The following TMEM108 variants were observed in gnomAD, a reference collection of about 807,000 sequenced individuals.
TMEM108 encodes cancer/testis antigen 124.
Under a neutral mutation model 35.1 loss-of-function variants are expected in TMEM108, and 12 were observed. The ratio of observed to expected loss-of-function variants is 0.34; its 90% CI spans 0.22 to 0.55. The LOEUF (loss-of-function observed/expected upper bound fraction) is 0.55, where lower values mean the gene tolerates loss of function less well. Among genes scored for constraint, TMEM108 ranks in the 20% least tolerant of loss-of-function variants. The pLI, the probability that TMEM108 is intolerant of heterozygous loss-of-function variation, is 0.89. For synonymous variants in TMEM108, 287 were observed against 308.6 expected (o/e 0.93, Z 0.73); for missense variants, 680 against 753.3 (o/e 0.90, Z 1.14).
chr3:133,318,937 G>A (rs2071231551), intron 3 of TMEM108, among the ~76,000 whole-genome samples: 1 of 54,888 alleles, frequency 1.8e-5, no homozygotes, highest in South Asian at 5.8e-4. Flanking sequence ...AAAAACTCAG[G>A]GGAAGTGTAT....
chr3:133,119,288 G>C (rs928409976), intron 2 of TMEM108: 1 of 151,510 alleles, frequency 6.6e-6, no homozygotes, highest in Non-Finnish European at 1.5e-5. Context: ...CCCACTCTCC[G>C]GTTCCATTCA....
At chr3:133,090,857 G>T (rs1576313250) in intron 2 of TMEM108, among the ~76,000 whole-genome samples, 1 of 152,226 alleles carries the variant, frequency 6.6e-6, no homozygotes, top group Non-Finnish European at 1.5e-5. Context: ...GAACTTGAAA[G>T]TATTCTATTA....
At chr3:133,226,907 AG>A (rs1946079611) in intron 2 of TMEM108, among the ~76,000 whole-genome samples, 1 of 152,136 alleles carries the variant, frequency 6.6e-6, no homozygotes, top group Non-Finnish European at 1.5e-5. Context: ...GTGGGAGGCA[AG>A]GGAGGAGCAA....
intron 2 of TMEM108, among the ~76,000 whole-genome samples, chr3:133,086,576 T>G (rs1056328480): frequency 6.6e-6 from 1 of 152,202 alleles, no homozygotes; most frequent in Non-Finnish European, 1.5e-5. Flanking sequence ...GAGATGAGCA[T>G]TTTTTAAAAC....
chr3:133,333,370 C>CA (rs143504205), intron 3 of TMEM108, among the ~76,000 whole-genome samples: 280 of 146,828 alleles, frequency 1.9e-3, no homozygotes, highest in East Asian at 7.1e-3. Flanking sequence ...GCCCCTCTTT[C>CA]AAAAAAAAAA....
At chr3:133,166,608 AAG>A (rs761739814) in intron 2 of TMEM108, among the ~76,000 whole-genome samples, 10 of 151,822 alleles carry the variant, frequency 6.6e-5, no homozygotes, top group Non-Finnish European at 1.0e-4. Context: ...ACAGCTCTTA[AAG>A]CGGCGTGTCT....
At chr3:133,102,751 C>CA (rs1559832918) in intron 2 of TMEM108, among the ~76,000 whole-genome samples, 1 of 152,136 alleles carries the variant, frequency 6.6e-6, no homozygotes, top group East Asian at 1.9e-4. Flanking sequence ...ATAGGACTTA[C>CA]AATAAGTGTG....
At chr3:133,183,286 A>G (rs778088560) in intron 2 of TMEM108, among the ~76,000 whole-genome samples, 3 of 152,218 alleles carry the variant, frequency 2.0e-5, no homozygotes, top group African/African-American at 7.2e-5. Context: ...TATGAAACCA[A>G]TACATTTCCC....
chr3:133,389,168 C>G (rs1382242885), intron 4 of TMEM108: 1 of 985,632 alleles, frequency 1.0e-6, no homozygotes, highest in Admixed American at 6.1e-5. Flanking sequence ...CCCCACCTCT[C>G]TGACCTCAGA....
chr3:133,161,646 G>A (rs1346521484), intron 2 of TMEM108, among the ~76,000 whole-genome samples: 3 of 150,576 alleles, frequency 2.0e-5, no homozygotes, highest in Admixed American at 2.0e-4. Flanking sequence ...TATGTTCAAA[G>A]AAACAACTGT....
chr3:133,097,140 G>C (rs1944025319), intron 2 of TMEM108, among the ~76,000 whole-genome samples: 1 of 152,220 alleles, frequency 6.6e-6, no homozygotes. Context: ...CCAGAATGCA[G>C]TGTGCTTAGA....
At chr3:133,291,974 C>A (rs528523850) in intron 3 of TMEM108, among the ~76,000 whole-genome samples, 114 of 152,136 alleles carry the variant, frequency 7.5e-4, no homozygotes, top group Non-Finnish European at 1.4e-3. Flanking sequence ...TGGTTCCCAA[C>A]CCTGACTGCA....
At chr3:133,203,683 T>C (rs897809128) in intron 2 of TMEM108, among the ~76,000 whole-genome samples, 1 of 152,216 alleles carries the variant, frequency 6.6e-6, no homozygotes, top group Non-Finnish European at 1.5e-5. Flanking sequence ...GATATGCTGC[T>C]TGATTAGGTT....
chr3:133,196,959 G>A (rs1576375600), intron 2 of TMEM108, among the ~76,000 whole-genome samples: 1 of 152,274 alleles, frequency 6.6e-6, no homozygotes, highest in East Asian at 1.9e-4. Context: ...TAATATTTGG[G>A]TTAGGTACAC....
intron 4 of TMEM108, 97 bp from the exon 5 acceptor site, chr3:133,390,083 T>TA: frequency 6.9e-7 from 1 of 1,456,238 alleles, no homozygotes; most frequent in East Asian, 2.3e-5. Context: ...ACCATACACT[T>TA]ACTCCAGCTG....
chr3:133,152,767 A>G (rs376728107), intron 2 of TMEM108, among the ~76,000 whole-genome samples: 7 of 152,276 alleles, frequency 4.6e-5, no homozygotes, highest in East Asian at 1.9e-4. Flanking sequence ...AAGAGAACCA[A>G]TTTAAATTTT....
chr3:133,203,409 T>A (rs4308273), intron 2 of TMEM108, among the ~76,000 whole-genome samples: 65,866 of 152,122 alleles, frequency 0.43, 15,181 homozygotes, highest in African/African-American at 0.6. Context: ...TGGCCCATTC[T>A]GTATGATATT....
intron 2 of TMEM108, among the ~76,000 whole-genome samples, chr3:133,203,405 A>T (rs1040984483): frequency 6.6e-6 from 1 of 152,210 alleles, no homozygotes; most frequent in Non-Finnish European, 1.5e-5. Flanking sequence ...GCTTTGGCCC[A>T]TTCTGTATGA....
intron 5 of TMEM108, among the ~76,000 whole-genome samples, chr3:133,391,932 T>C (rs2073240499): frequency 1.3e-5 from 2 of 152,156 alleles, no homozygotes; most frequent in Admixed American, 1.3e-4. Context: ...CTCCCCTACT[T>C]GAGTAACCAG....
Sources: allele counts gnomAD v4.1 joint callset (sites outside exome capture counted in the v4.1 genomes callset), GRCh38; gene constraint gnomAD v4.1.1; transcripts MANE v1.5; gene names NCBI Gene and HGNC (gene_info 2026-07-23, HGNC 2026-07-21).